Variants in RPS6KA2 observed in about 807,000 individuals in gnomAD.
RPS6KA2 encodes ribosomal protein S6 kinase alpha-2.
RPS6KA2 carries 42 observed loss-of-function variants against 91.8 expected under a neutral mutation model. The ratio of observed to expected loss-of-function variants is 0.46; its 90% CI spans 0.36 to 0.59. RPS6KA2 has a LOEUF of 0.59. Among genes scored for constraint, RPS6KA2 ranks in the 20% least tolerant of loss-of-function variants. The pLI is 0.00. For synonymous variants in RPS6KA2, 414 were observed against 393.6 expected, an observed-to-expected ratio of 1.05 and a Z score of -0.61; for missense variants, 798 against 978.5, an observed-to-expected ratio of 0.82 and a Z score of 2.46.
chr6:166,775,798 G>C (rs941043759), intron 2 of RPS6KA2, among the ~76,000 whole-genome samples: 1 of 152,244 alleles, frequency 6.6e-6, no homozygotes, highest in African/African-American at 2.4e-5. Flanking sequence ...CCACATGCCT[G>C]AGCTCTGGGA....
intron 5 of RPS6KA2, among the ~76,000 whole-genome samples, chr6:166,507,576 CAT>C (rs1782284629): frequency 6.6e-6 from 1 of 150,914 alleles, no homozygotes; most frequent in Non-Finnish European, 1.5e-5. Context: ...ACACCCCACA[CAT>C]ACACACACCC....
At chr6:166,724,793 T>C (rs962003022) in intron 2 of RPS6KA2, among the ~76,000 whole-genome samples, 1 of 152,260 alleles carries the variant, frequency 6.6e-6, no homozygotes, top group African/African-American at 2.4e-5. Context: ...GACAAACATC[T>C]ATTTCTTGAT....
chr6:166,618,210 C>G (rs1471604217), intron 1 of RPS6KA2, among the ~76,000 whole-genome samples: 2 of 152,258 alleles, frequency 1.3e-5, no homozygotes, highest in African/African-American at 2.4e-5. Context: ...GTGCAGCACA[C>G]TCCTCTCTTC....
intron 2 of RPS6KA2, among the ~76,000 whole-genome samples, chr6:166,771,595 C>T (rs1778474316): frequency 6.6e-6 from 1 of 152,210 alleles, no homozygotes; most frequent in Non-Finnish European, 1.5e-5. Flanking sequence ...CCATTTCCTA[C>T]TTTCTCCTTT....
intron 2 of RPS6KA2, among the ~76,000 whole-genome samples, chr6:166,828,578 G>A (rs1267900824): frequency 2.0e-5 from 3 of 152,164 alleles, no homozygotes; most frequent in Non-Finnish European, 2.9e-5. Flanking sequence ...TGCCTTAAAA[G>A]TGGTATCACT....
At chr6:166,658,680 T>C (rs757341429) in intron 2 of RPS6KA2, among the ~76,000 whole-genome samples, 5 of 152,178 alleles carry the variant, frequency 3.3e-5, no homozygotes, top group Admixed American at 6.5e-5. Context: ...ACATGCGGGA[T>C]GGGAGTGCCA....
rs770906325 is a variant in RPS6KA2, at chr6:166,745,318, AT to A, written c.123+112881del. Among the ~76,000 whole-genome samples, 6 of 151,866 alleles carry A rather than the reference AT, an allele frequency of 4.0e-5. No homozygotes were observed. In the East Asian group the frequency reaches 7.8e-4, roughly 20 times the overall value. The stretch of plus-strand genomic sequence containing the variant: ...AGGTGTGTGCCACCATGCCTGGCTA[AT>A]TTTTGTATTTTTAGTAGAAATGGGG... On this transcript the variant is annotated intron_variant, in intron 2 of 21. Transcript: ENST00000503859.
intron 2 of RPS6KA2, among the ~76,000 whole-genome samples, chr6:166,790,233 C>T (rs546888776): frequency 3.3e-4 from 50 of 152,122 alleles, no homozygotes; most frequent in African/African-American, 9.9e-4. Context: ...CCTCAGGAGC[C>T]GATGCGATCA....
intron 2 of RPS6KA2, among the ~76,000 whole-genome samples, chr6:166,724,574 G>C (rs1790280682): frequency 6.6e-6 from 1 of 152,122 alleles, no homozygotes; most frequent in Non-Finnish European, 1.5e-5. Flanking sequence ...ACTTTGTGAG[G>C]TGTGCTCACC....
chr6:166,848,585 AAGTAATGGCATTC>A (rs1780661948), intron 2 of RPS6KA2, among the ~76,000 whole-genome samples: 2 of 152,350 alleles, frequency 1.3e-5, no homozygotes, highest in Admixed American at 1.3e-4. Flanking sequence ...AAAAAGAATG[AAGTAATGGCATTC>A]ACTGCAACCT....
chr6:166,525,578 T>C (rs1404034784), intron 3 of RPS6KA2, among the ~76,000 whole-genome samples: 1 of 152,226 alleles, frequency 6.6e-6, no homozygotes, highest in Non-Finnish European at 1.5e-5. Context: ...GGAATCCCAC[T>C]GACAACCCTC....
At chr6:166,771,535 A>G (rs1012796690) in intron 2 of RPS6KA2, among the ~76,000 whole-genome samples, 1 of 152,144 alleles carries the variant, frequency 6.6e-6, no homozygotes, top group Non-Finnish European at 1.5e-5. Context: ...GAGAGCAGAG[A>G]CAACGGCTAC....
chr6:166,725,042 G>C (rs1790293600), intron 2 of RPS6KA2, among the ~76,000 whole-genome samples: 1 of 152,110 alleles, frequency 6.6e-6, no homozygotes, highest in South Asian at 2.1e-4. Context: ...CACTGTTCTA[G>C]CTTTTGTTAT....
Position 166,648,264 on chromosome 6 carries a change from G to A in RPS6KA2, c.124-109480C>T, listed in dbSNP as rs1430120050. 6.6e-6 allele frequency among the ~76,000 whole-genome samples: 1 copy of A among 150,428 alleles called. No homozygotes were observed. The highest frequency in any genetic ancestry group is 2.5e-5 in the African/African-American group (1 of 40,816). On this transcript the variant is annotated intron_variant, in intron 2 of 21. Transcript: ENST00000503859. This position sits in a 1 kb window ranked among gnomAD's most constrained non-coding sequence, Gnocchi z 4.8. ...CATTCACACAGGCACACACACTCAT[G>A]TTCATACACACGCATGCACACAGTA...
At chr6:166,617,576 C>A (rs369482958) in intron 1 of RPS6KA2, among the ~76,000 whole-genome samples, 1 of 152,172 alleles carries the variant, frequency 6.6e-6, no homozygotes, top group Admixed American at 6.5e-5. Context: ...ACTTACGCGA[C>A]GGTTTTAATG....
At chr6:166,671,214 AG>A (rs1296693397) in intron 2 of RPS6KA2, among the ~76,000 whole-genome samples, 1 of 152,212 alleles carries the variant, frequency 6.6e-6, no homozygotes, top group Non-Finnish European at 1.5e-5. Flanking sequence ...CTTCTGGAAA[AG>A]TTGAAGATAG....
At chr6:166,716,065 G>GAAA (rs1554251462) in intron 2 of RPS6KA2, among the ~76,000 whole-genome samples, 2 of 85,388 alleles carry the variant, frequency 2.3e-5, no homozygotes, top group African/African-American at 9.0e-5. Flanking sequence ...AAAAAAAGAA[G>GAAA]GAAAGAAAGA....
chr6:166,694,747 C>T (rs1164097412), intron 2 of RPS6KA2, among the ~76,000 whole-genome samples: 1 of 152,198 alleles, frequency 6.6e-6, no homozygotes, highest in East Asian at 1.9e-4. Context: ...GGGAAACATA[C>T]CACAAAGCAT....
intron 2 of RPS6KA2, among the ~76,000 whole-genome samples, chr6:166,741,190 G>T (rs180746585): frequency 6.6e-6 from 1 of 152,220 alleles, no homozygotes; most frequent in Non-Finnish European, 1.5e-5. Flanking sequence ...TCTATGCACC[G>T]TTTATACACA....
Sources: gnomAD v4.1 joint callset for allele counts (sites outside exome capture counted in the v4.1 genomes callset) on GRCh38, gnomAD v4.1.1 for gene constraint, Gnocchi (gnomAD v3.1) non-coding constraint, MANE v1.5 for transcripts, NCBI Gene and HGNC (gene_info 2026-07-23, HGNC 2026-07-21) for gene names.